CCDC3: variants seen among roughly 807,000 people sequenced by gnomAD.
CCDC3 encodes coiled-coil domain containing 3, also known as coiled-coil domain-containing protein 3.
Under a neutral mutation model 21.4 loss-of-function variants are expected in CCDC3, and 24 were observed. The ratio of observed to expected loss-of-function variants is 1.12; its 90% CI spans 0.81 to 1.58. CCDC3 has a LOEUF of 1.58. Among genes scored for constraint, CCDC3 ranks in the 40% most tolerant of loss-of-function variants. CCDC3 has a pLI of 0.00. For missense variants in CCDC3, 425 were observed against 360.9 expected (o/e 1.18, Z -1.44); for synonymous variants, 186 against 166.0 (o/e 1.12, Z -0.93).
At chr10:13,048,380 G>C (rs1474145463) in intron 5 of CCDC3, among the ~76,000 whole-genome samples, 1 of 152,034 alleles carries the variant, frequency 6.6e-6, no homozygotes, top group African/African-American at 2.4e-5. Context: ...TTTTACTAGA[G>C]ACGGGGTTTC....
At chr10:13,063,146 C>A (rs1057172397) in intron 4 of CCDC3, among the ~76,000 whole-genome samples, 1 of 151,560 alleles carries the variant, frequency 6.6e-6, no homozygotes. Flanking sequence ...CCCGAATGTT[C>A]GGGGAGACTG....
intron 5 of CCDC3, among the ~76,000 whole-genome samples, chr10:13,010,765 C>T (rs1410585256): frequency 6.6e-6 from 1 of 152,208 alleles, no homozygotes; most frequent in Non-Finnish European, 1.5e-5. Flanking sequence ...AAACACTACT[C>T]ATCAATAGTA....
At chr10:12,930,801 C>CAG (rs1411182186) in intron 2 of CCDC3, among the ~76,000 whole-genome samples, 3 of 152,154 alleles carry the variant, frequency 2.0e-5, no homozygotes, top group Non-Finnish European at 4.4e-5. Context: ...CCAAACATAA[C>CAG]AGTGCCGAGG....
chr10:12,994,909 C>T (rs1835736784), intron 2 of CCDC3, among the ~76,000 whole-genome samples: 1 of 151,742 alleles, frequency 6.6e-6, no homozygotes, highest in Non-Finnish European at 1.5e-5. Context: ...GGTGAAACCC[C>T]CTCTCTACTA....
chr10:13,078,998 C>T (rs1837000023), intron 3 of CCDC3, among the ~76,000 whole-genome samples: 1 of 152,062 alleles, frequency 6.6e-6, no homozygotes, highest in South Asian at 2.1e-4. Context: ...TACCCTAGAA[C>T]TTAAAATATA....
intron 5 of CCDC3, among the ~76,000 whole-genome samples, chr10:13,019,616 T>C (rs768256338): frequency 1.3e-5 from 2 of 152,242 alleles, no homozygotes; most frequent in Non-Finnish European, 2.9e-5. Context: ...TTGTTCCATT[T>C]AAAAATACAT....
intron 2 of CCDC3, among the ~76,000 whole-genome samples, chr10:12,920,282 G>A (rs1007089639): frequency 3.9e-5 from 6 of 152,090 alleles, no homozygotes; most frequent in African/African-American, 1.4e-4. Flanking sequence ...TCACTACCAG[G>A]AGAACAGTAT....
chr10:13,053,304 C>T (rs1258368543), intron 4 of CCDC3, among the ~76,000 whole-genome samples: 1 of 152,124 alleles, frequency 6.6e-6, no homozygotes, highest in Admixed American at 6.5e-5. Context: ...CTCAGTGGCT[C>T]ATGCCTGTAA....
chr10:12,974,459 G>A (rs1027824543), intron 2 of CCDC3, among the ~76,000 whole-genome samples: 3 of 152,306 alleles, frequency 2.0e-5, no homozygotes, highest in Non-Finnish European at 4.4e-5. Context: ...GGCTGACTGC[G>A]GGTTGACTGT....
intron 4 of CCDC3, among the ~76,000 whole-genome samples, chr10:13,072,711 T>G (rs1322021416): frequency 1.3e-5 from 2 of 152,100 alleles, no homozygotes; most frequent in Non-Finnish European, 2.9e-5. Flanking sequence ...AATAAAATGC[T>G]GCTCTGCACA....
At chr10:12,957,035 T>C (rs937568344) in intron 2 of CCDC3, among the ~76,000 whole-genome samples, 1 of 152,196 alleles carries the variant, frequency 6.6e-6, no homozygotes, top group African/African-American at 2.4e-5. Flanking sequence ...AATTCAGGAG[T>C]GTCTTTTTCA....
chr10:12,965,825 T>C lies in CCDC3; in HGVS notation c.549+32513A>G, dbSNP rs11258091. ...TTGGCTCAGCCCTAAAGAGAAGGCT[T>C]CGTGACATACACACGTTGTAAATGG... On this transcript the variant is annotated intron_variant, in intron 2 of 2. Transcript: ENST00000378825. Among the ~76,000 whole-genome samples, 666 of 152,348 alleles carry C rather than the reference T, an allele frequency of 4.4e-3. 4 individuals are homozygous for C. Among genetic ancestry groups the C allele is most frequent in the African/African-American group, 0.015 (630 of 41,580 alleles).
At chr10:13,066,592 T>C (rs574849032) in intron 4 of CCDC3, among the ~76,000 whole-genome samples, 61 of 152,306 alleles carry the variant, frequency 4.0e-4, no homozygotes, top group African/African-American at 1.4e-3. Flanking sequence ...AGTATTTGTA[T>C]ACCATGATGA....
chr10:12,905,914 G>A (rs1380761412), intron 2 of CCDC3, among the ~76,000 whole-genome samples: 2 of 152,224 alleles, frequency 1.3e-5, no homozygotes, highest in African/African-American at 4.8e-5. Flanking sequence ...GTAGAGGGCA[G>A]AGGCCAAGAT....
At chr10:13,057,512 AATC>A (rs576496984) in intron 4 of CCDC3, among the ~76,000 whole-genome samples, 1 of 152,212 alleles carries the variant, frequency 6.6e-6, no homozygotes, top group South Asian at 2.1e-4. Flanking sequence ...TCCACATCAG[AATC>A]ATCTATTACT....
chr10:12,978,068 G>T lies in CCDC3; in HGVS notation c.549+20270C>A, dbSNP rs561049930. 7.9e-5 allele frequency among the ~76,000 whole-genome samples: 12 copies of T among 151,860 alleles called. No homozygotes were observed. In the South Asian group the frequency reaches 2.5e-3, roughly 32 times the overall value. Reference sequence around the variant, plus strand: ...GAATTTCACTCTGTCATCCAGGCTGGAGTGCAGTGACACAATCTTGGCTCA... The same window carrying T: ...GAATTTCACTCTGTCATCCAGGCTGTAGTGCAGTGACACAATCTTGGCTCA... On this transcript the variant is annotated intron_variant, in intron 2 of 2. Coordinates refer to ENST00000378825, the MANE Select transcript of CCDC3 (RefSeq NM_031455.4).
intron 4 of CCDC3, among the ~76,000 whole-genome samples, chr10:13,050,588 G>A (rs1035514069): frequency 1.3e-5 from 2 of 150,656 alleles, no homozygotes; most frequent in East Asian, 3.9e-4. Context: ...AGCCTCCTGA[G>A]TAGCTAGGAT....
chr10:13,074,325 A>ATTTTT (rs543893110), intron 3 of CCDC3, among the ~76,000 whole-genome samples: 1 of 62,796 alleles, frequency 1.6e-5, no homozygotes, highest in African/African-American at 6.5e-5. Flanking sequence ...ATCCCGGCTA[A>ATTTTT]TTTTTTTTTT....
chr10:13,070,669 T>C (rs1204494092), intron 4 of CCDC3, among the ~76,000 whole-genome samples: 1 of 152,202 alleles, frequency 6.6e-6, no homozygotes, highest in Non-Finnish European at 1.5e-5. Context: ...GGCTCAGCTT[T>C]AAAAGGTCTT....
Sources: allele counts gnomAD v4.1 joint callset (sites outside exome capture counted in the v4.1 genomes callset), GRCh38; gene constraint gnomAD v4.1.1; transcripts MANE v1.5; gene names NCBI Gene and HGNC (gene_info 2026-07-23, HGNC 2026-07-21).